ELN: variants seen among roughly 807,000 people sequenced by gnomAD.
ELN encodes the protein tropoelastin.
A neutral mutation model predicts 105.8 loss-of-function variants in ELN; 65 were observed. The ratio of observed to expected loss-of-function variants is 0.61; its 90% CI spans 0.50 to 0.75. The LOEUF (loss-of-function observed/expected upper bound fraction) is 0.75. ELN is among the 30% of genes least tolerant of loss of function. The probability of loss-of-function intolerance (pLI) is 0.00; values close to 1 mark genes in which losing one functional copy is unlikely to be tolerated. For missense variants in ELN, 882 were observed against 969.4 expected, an observed-to-expected ratio of 0.91 and a Z score of 1.20; for synonymous variants, 368 against 389.2, an observed-to-expected ratio of 0.95 and a Z score of 0.64.
intron 25 of ELN, 115 bp from the exon 26 acceptor site, chr7:74,060,985 CT>C: frequency 7.9e-7 from 1 of 1,262,120 alleles, no homozygotes. Context: ...AGCTTCAGGG[CT>C]TTGAGGAAGC....
intron 9 of ELN, among the ~76,000 whole-genome samples, chr7:74,044,988 C>G (rs1245108586): frequency 6.6e-5 from 10 of 152,230 alleles, no homozygotes; most frequent in African/African-American, 2.4e-4. Flanking sequence ...CTGACTGAGG[C>G]ACCAGCTCAC....
rs146001409 is a variant in ELN, at chr7:74,044,245, CAAAGAA to C, written c.469+336_469+341del. ...GACAGAGCAAGACCCTGTCTCAAAA[CAAAGAA>C]AAAGAAAAAGGAAAAGAAAAGCAGC... is the stretch of plus-strand genomic sequence containing the variant. On this transcript the variant is annotated intron_variant, in intron 9 of 32. Transcript: ENST00000252034. Among the ~76,000 whole-genome samples, 1,151 of 152,042 alleles carry C rather than the reference CAAAGAA, an allele frequency of 7.6e-3. 9 individuals are homozygous for C. The highest frequency in any genetic ancestry group is 0.011 in the Non-Finnish European group (752 of 67,952).
chr7:74,036,708 A>G, intron 3 of ELN, 124 bp downstream of exon 3: 5 of 1,397,324 alleles, frequency 3.6e-6, no homozygotes, highest in Non-Finnish European at 5.0e-6. Flanking sequence ...TTTCACAGAC[A>G]GCATCCAGGC....
intron 15 of ELN, among the ~76,000 whole-genome samples, chr7:74,051,415 A>G (rs1248826932): frequency 1.3e-5 from 2 of 152,188 alleles, no homozygotes; most frequent in African/African-American, 4.8e-5. Context: ...CATCTTCGGA[A>G]CACAGGGAGA....
At chr7:74,040,904 A>G (rs1791057978) in intron 4 of ELN, among the ~76,000 whole-genome samples, 1 of 151,866 alleles carries the variant, frequency 6.6e-6, no homozygotes, top group Non-Finnish European at 1.5e-5. Context: ...TCGCTCACGG[A>G]CTCTGCTCTG....
chr7:74,051,709 G>A, intron 15 of ELN, 41 bp from the exon 16 acceptor site: 1 of 1,609,702 alleles, frequency 6.2e-7, no homozygotes, highest in Non-Finnish European at 8.5e-7. Context: ...TCCTCAGGAG[G>A]GTCCTTGGGA....
intron 26 of ELN, 98 bp downstream of exon 26, chr7:74,061,237 C>G: frequency 6.6e-7 from 1 of 1,519,356 alleles, no homozygotes; most frequent in Non-Finnish European, 9.1e-7. Flanking sequence ...GCAGTTTCGG[C>G]CGGGCGTGGT....
Position 74,040,901 on chromosome 7 carries a change from C to T in ELN, c.197-315C>T, listed in dbSNP as rs1302033034. Among the ~76,000 whole-genome samples, 5 of 152,268 alleles carry T rather than the reference C, an allele frequency of 3.3e-5. No individual in the cohort carries two copies. In the South Asian group the frequency reaches 6.2e-4, roughly 19 times the overall value. On this transcript the variant is annotated intron_variant, in intron 4 of 32. Transcript: ENST00000252034. ...CTGGCCTGGGGTGAGGTCTCGCTCA[C>T]GGACTCTGCTCTGTCCCAGCCCTTG...
intron 4 of ELN, among the ~76,000 whole-genome samples, chr7:74,040,836 A>G (rs1157668561): frequency 6.6e-6 from 1 of 152,114 alleles, no homozygotes; most frequent in Non-Finnish European, 1.5e-5. Flanking sequence ...GAGGGGACTG[A>G]GTCAAGAGAT....
intron 25 of ELN, 94 bp downstream of exon 25, chr7:74,060,595 C>G: frequency 6.3e-7 from 1 of 1,596,364 alleles, no homozygotes; most frequent in East Asian, 2.3e-5. Context: ...CCCTCATCAC[C>G]CAGGGGTGCA....
intron 21 of ELN, among the ~76,000 whole-genome samples, 158 bp downstream of exon 21, chr7:74,056,871 T>C (rs1795356532): frequency 6.6e-6 from 1 of 152,070 alleles, no homozygotes; most frequent in African/African-American, 2.4e-5. Flanking sequence ...ACTCCACTCT[T>C]ACTGTCCTTT....
chr7:74,042,411 G>A (rs1334664371), intron 5 of ELN, among the ~76,000 whole-genome samples: 1 of 151,116 alleles, frequency 6.6e-6, no homozygotes, highest in Admixed American at 6.6e-5. Context: ...CTGGGTGACA[G>A]AGTGAGACCT....
rs368993919 is a variant in ELN at position 74,066,773 on chromosome 7, C to A, written c.2128C>A (p.Pro710Thr). ...TGGCTTCGGATTGTCTCCCATTTTC[C>A]CAGGTATGCCAGGCTCCCTGCCCCT... is the stretch of plus-strand genomic sequence containing the variant. ...RPGFGLSPIF[P>T]GGACLGKACG... Residue 710 changes from proline (P) to threonine (T), a missense_variant, in exon 32 of 33, where the codon CCA (proline) becomes ACA (threonine). Transcript: ENST00000252034. The A allele has an allele frequency of 1.9e-6, 3 of 1,613,302 alleles. No homozygotes were observed. The highest frequency in any genetic ancestry group is 2.5e-6 in the Non-Finnish European group (3 of 1,179,502).
At chr7:74,056,775 C>G in intron 21 of ELN, 62 bp downstream of exon 21, 3 of 1,610,128 alleles carry the variant, frequency 1.9e-6, no homozygotes, top group Non-Finnish European at 2.5e-6. Context: ...AGGGTCCAAC[C>G]TCAGGGCAAA....
At chr7:74,057,297 C>A in intron 21 of ELN, 3 of 1,155,542 alleles carry the variant, frequency 2.6e-6, no homozygotes, top group South Asian at 2.1e-5. Flanking sequence ...CCATTCTCTT[C>A]TTCCTCCGAT....
chr7:74,045,399 G>C (rs1792232553), intron 10 of ELN, 106 bp downstream of exon 10: 1 of 1,318,110 alleles, frequency 7.6e-7, no homozygotes, highest in Admixed American at 1.9e-5. Context: ...GGGCCCTCTG[G>C]GTGACACTTT....
intron 11 of ELN, 81 bp from the exon 12 acceptor site, chr7:74,046,615 G>A: frequency 6.7e-7 from 1 of 1,485,446 alleles, no homozygotes; most frequent in African/African-American, 1.4e-5. Context: ...AGCTCCTTCT[G>A]TCTGAGCAGA....
At chr7:74,060,616 C>T in intron 25 of ELN, 115 bp downstream of exon 25, 1 of 1,573,642 alleles carries the variant, frequency 6.4e-7, no homozygotes, top group Non-Finnish European at 8.6e-7. Flanking sequence ...TAGTAAAATC[C>T]TTGTTAGGTT....
chr7:74,046,920 C>T (rs558852617), intron 12 of ELN, among the ~76,000 whole-genome samples, 153 bp downstream of exon 12: 5 of 152,256 alleles, frequency 3.3e-5, no homozygotes, highest in African/African-American at 9.6e-5. Context: ...CCCGTCCCTA[C>T]TAAAGATACA....
Sources: allele counts gnomAD v4.1 joint callset (sites outside exome capture counted in the v4.1 genomes callset), GRCh38; gene constraint gnomAD v4.1.1; transcripts MANE v1.5; gene names NCBI Gene and HGNC (gene_info 2026-07-23, HGNC 2026-07-21).